The following SZT2 variants were observed in gnomAD, a reference collection of about 807,000 sequenced individuals.
SZT2 encodes the protein SZT2 subunit of KICSTOR complex.
A neutral mutation model predicts 404.2 loss-of-function variants in SZT2; 216 were observed. That is an observed-to-expected ratio of 0.53 (90% CI 0.48 to 0.60). The LOEUF is 0.60. Ranked by LOEUF, SZT2 falls within the 20% of genes least tolerant of loss-of-function variation. The pLI, the probability that SZT2 is intolerant of heterozygous loss-of-function variation, is 0.00. For synonymous variants in SZT2, 1,693 were observed against 1,749.9 expected (o/e 0.97, Z 0.81); for missense variants, 3,857 against 4,459.2 (o/e 0.86, Z 3.85).
At position 43,426,231 on chromosome 1, in the gene SZT2, G is replaced by A. The variant is rs1390958678; in HGVS notation, c.3043+80G>A. ...AGTATTAGAAAATAACAAACAGATG[G>A]GTCAGCAAGTGAGCAGATGAGTGGT... On this transcript the variant is annotated intron_variant, in intron 21 of 71. Transcript: ENST00000634258. This position sits in a 1 kb window ranked among gnomAD's most constrained non-coding sequence, Gnocchi z 4.9. 6.5e-7 allele frequency: 1 copy of A among 1,530,924 alleles called. No individual in the cohort carries two copies. Among genetic ancestry groups the A allele is most frequent in the Non-Finnish European group, 8.9e-7 (1 of 1,127,816 alleles). 94.8% of individuals were successfully genotyped at this position (1,530,924 alleles called of 1,614,324 possible). A position where few individuals can be genotyped will look rare whatever the true frequency, so the allele number is the denominator to read the frequency against.
intron 1 of SZT2, among the ~76,000 whole-genome samples, chr1:43,396,634 T>C (rs771811267): frequency 2.0e-5 from 3 of 152,258 alleles, no homozygotes; most frequent in Non-Finnish European, 2.9e-5. Context: ...TTTTACAAGG[T>C]GCTTTCACAC....
Position 43,426,865 on chromosome 1 carries a change from A to G in SZT2, c.3309+56A>G. 2 of 1,581,922 alleles carry G rather than the reference A, an allele frequency of 1.3e-6. No individual in the cohort carries two copies. The highest frequency in any genetic ancestry group is 1.7e-6 in the Non-Finnish European group (2 of 1,154,290). ...GTCACACTGACCTCCTTCCAGCACC[A>G]CATCTTCAGGCCCCAACCTTCTACC... On this transcript the variant is annotated intron_variant, in intron 23 of 71. Transcript: ENST00000634258. This position sits in a 1 kb window ranked among gnomAD's most constrained non-coding sequence, Gnocchi z 4.9.
In SZT2 at chr1:43,453,559, C is replaced by CCCAAGCCCT. The variant is rs1553158501; in HGVS notation, c.*3081_*3082insAAGCCCTCC. ...ACTCCCCTGCCCGCGCCCCGGCACC[C>CCCAAGCCCT]CCCAGCCCTCCCAGCCCTCCCGGCC... On this transcript the variant is annotated 3_prime_UTR_variant, in exon 72 of 72. Coordinates refer to ENST00000634258, the MANE Select transcript of SZT2 (RefSeq NM_001365999.1). 1.6e-5 allele frequency: 25 copies of CCCAAGCCCT among 1,519,492 alleles called. No homozygotes were observed. Among genetic ancestry groups the CCCAAGCCCT allele is most frequent in the Middle Eastern group, 1.8e-4 (1 of 5,656 alleles). The allele number at this position is 1,519,492 out of a possible 1,614,324, so 94.1% of individuals were successfully genotyped here.
chr1:43,437,707 A>G lies in SZT2; in HGVS notation c.6396+7A>G. 4 of 1,614,050 alleles carry G rather than the reference A, an allele frequency of 2.5e-6. No individual in the cohort carries two copies. Among genetic ancestry groups the G allele is most frequent in the Non-Finnish European group, 2.5e-6 (3 of 1,180,020 alleles). On this transcript the variant is annotated splice_region_variant and intron_variant, in intron 45 of 71. Transcript: ENST00000634258. This position sits in a 1 kb window ranked among gnomAD's most constrained non-coding sequence, Gnocchi z 5.3. ...CTACTCTGAGGAAGCCTCGGCATGTATCACTCCCACTCTCTGATGCCCCTG... is the reference window on the plus strand; with the variant it reads ...CTACTCTGAGGAAGCCTCGGCATGTGTCACTCCCACTCTCTGATGCCCCTG...
At chr1:43,418,155 A>G (rs1651919653) in intron 7 of SZT2, among the ~76,000 whole-genome samples, 1 of 152,178 alleles carries the variant, frequency 6.6e-6, no homozygotes, top group South Asian at 2.1e-4. Flanking sequence ...AAATAGGGAC[A>G]AGTGTTGACA....
chr1:43,419,927 A>C lies in SZT2; in HGVS notation c.1073A>C (p.Asn358Thr), dbSNP rs1168536003. ...TTCCTGCGCAGTGGGGAAGCACTGA[A>C]CCCTGAATATTACTGCGGTGAGAGG... ...YSFLRSGEALNPEYYCGSQHR... is the reference protein window; with the variant it reads ...YSFLRSGEALTPEYYCGSQHR... Residue 358 changes from asparagine to threonine, a missense_variant, in exon 8 of 72, where the codon AAC becomes ACC. Coordinates refer to ENST00000634258, the MANE Select transcript of SZT2 (RefSeq NM_001365999.1). The C allele has an allele frequency of 6.3e-7, 1 of 1,598,216 alleles. No homozygotes were observed.
intron 67 of SZT2, 31 bp from the exon 68 acceptor site, chr1:43,447,818 A>G: frequency 6.2e-7 from 1 of 1,613,484 alleles, no homozygotes; most frequent in Non-Finnish European, 8.5e-7. Flanking sequence ...AGAACCCCAG[A>G]GTTGACATCT....
rs199611320 is a variant in SZT2, at chr1:43,453,059, G to A, written c.*2579G>A. Reference sequence around the variant, plus strand: ...TAAGCAGCTTTCTCTGATCCAGACAGGGTTAGGTGCCTACCCTGCTCCCAC... The same window carrying A: ...TAAGCAGCTTTCTCTGATCCAGACAAGGTTAGGTGCCTACCCTGCTCCCAC... On this transcript the variant is annotated 3_prime_UTR_variant, in exon 72 of 72. Transcript: ENST00000634258. 9.1e-7 allele frequency: 1 copy of A among 1,098,714 alleles called. No homozygotes were observed. Among genetic ancestry groups the A allele is most frequent in the East Asian group, 2.5e-5 (1 of 39,628 alleles). The allele number at this position is 1,098,714 out of a possible 1,614,324, so 68.1% of individuals were successfully genotyped here.
At chr1:43,449,991 G>A in intron 70 of SZT2, 112 bp from the exon 71 acceptor site, 3 of 1,278,910 alleles carry the variant, frequency 2.3e-6, no homozygotes, top group Non-Finnish European at 3.4e-6. Flanking sequence ...CAGGGTGCAG[G>A]CGGGGTGAGG....
chr1:43,432,300 A>G lies in SZT2; in HGVS notation c.5303A>G (p.His1768Arg), dbSNP rs746739293. 5.7e-6 allele frequency: 9 copies of G among 1,583,246 alleles called. No homozygotes were observed. The highest frequency in any genetic ancestry group is 2.3e-5 in the South Asian group (2 of 85,990). Residue 1768 changes from histidine (H) to arginine (R), a missense_variant, in exon 37 of 72, where the codon CAT (histidine) becomes CGT (arginine). His to Arg is a conservative substitution (Grantham distance 29). Transcript: ENST00000634258. ...TTCCGCCGCCTCCATCTCCCTGGCCATGTTCTTCTTGAAGACCCTGACAGT... is the reference window on the plus strand; with the variant it reads ...TTCCGCCGCCTCCATCTCCCTGGCCGTGTTCTTCTTGAAGACCCTGACAGT... The part of the protein sequence containing the change: ...EEFRRLHLPG[H>R]VLLEDPDSGF...
chr1:43,426,930 C>G lies in SZT2; in HGVS notation c.3309+121C>G. 1 of 1,547,712 alleles carries G rather than the reference C, an allele frequency of 6.5e-7. No homozygotes were observed. ...ATGGCATCTGCCAATGACACAATGC[C>G]GTCATTTTCCATTGTCCTGGATCTT... is the stretch of plus-strand genomic sequence containing the variant. On this transcript the variant is annotated intron_variant, in intron 23 of 71. Transcript: ENST00000634258. This position sits in a 1 kb window ranked among gnomAD's most constrained non-coding sequence, Gnocchi z 4.9.
chr1:43,431,149 G>A, intron 33 of SZT2, 59 bp downstream of exon 33: 3 of 1,592,494 alleles, frequency 1.9e-6, no homozygotes, highest in Non-Finnish European at 2.6e-6. Flanking sequence ...GGACCACTAA[G>A]CGAATCTAGA....
At chr1:43,445,818 C>A in intron 62 of SZT2, 76 bp from the exon 63 acceptor site, 1 of 1,410,068 alleles carries the variant, frequency 7.1e-7, no homozygotes, top group Non-Finnish European at 1.0e-6. Context: ...CCATATAAAA[C>A]AGATTCTGGG....
intron 40 of SZT2, 51 bp downstream of exon 40, chr1:43,433,241 T>C (rs1451573917): frequency 1.3e-6 from 2 of 1,581,650 alleles, no homozygotes; most frequent in South Asian, 2.2e-5. Context: ...ACCTCTTCTC[T>C]CTGCTCCCAC....
chr1:43,426,031 C>T lies in SZT2; in HGVS notation c.2930-7C>T, dbSNP rs751228819. The T allele has an allele frequency of 1.9e-6, 3 of 1,613,938 alleles. No homozygotes were observed. Among genetic ancestry groups the T allele is most frequent in the Non-Finnish European group, 2.5e-6 (3 of 1,179,898 alleles). Reference sequence around the variant, plus strand: ...TCTCACTGTGTCCTGTCCTTCCTCCCTCGTAGGATTGGATCAGGGAGGAGA... The same window carrying T: ...TCTCACTGTGTCCTGTCCTTCCTCCTTCGTAGGATTGGATCAGGGAGGAGA... On this transcript the variant is annotated splice_region_variant and splice_polypyrimidine_tract_variant and intron_variant, in intron 20 of 71. Coordinates refer to ENST00000634258, the MANE Select transcript of SZT2 (RefSeq NM_001365999.1). This position sits in a 1 kb window ranked among gnomAD's most constrained non-coding sequence, Gnocchi z 4.9.
chr1:43,442,900 G>T lies in SZT2; in HGVS notation c.8233G>T (p.Gly2745Cys). Reference protein sequence around the residue: ...SASPPLSREQGRLSGSSRGGG... With the variant: ...SASPPLSREQCRLSGSSRGGG... ...AAGTCCCCCGCTGAGCCGTGAGCAG[G>T]GCCGACTGAGTGGGTCCTCTCGTGG... The change falls in exon 59 of 72, where the codon GGC becomes TGC. Residue 2745 changes from glycine to cysteine, a missense_variant. Physicochemically the swap from Gly to Cys is radical, Grantham distance 159. Transcript: ENST00000634258. This position sits in a 1 kb window ranked among gnomAD's most constrained non-coding sequence, Gnocchi z 4.5. 1.2e-6 allele frequency: 2 copies of T among 1,614,080 alleles called. No individual in the cohort carries two copies. The highest frequency in any genetic ancestry group is 2.2e-5 in the South Asian group (2 of 91,076).
chr1:43,442,145 C>CCG lies in SZT2; in HGVS notation c.7873+15_7873+16insCG. On this transcript the variant is annotated intron_variant, in intron 56 of 71. Transcript: ENST00000634258. This position sits in a 1 kb window ranked among gnomAD's most constrained non-coding sequence, Gnocchi z 4.5. Reference sequence around the variant, plus strand: ...AACACAGCAGGGTGAGGGCATGGCCCGGGGGGGCGGGGGGCGGGTAGGCTA... The same window carrying CCG: ...AACACAGCAGGGTGAGGGCATGGCCCCGGGGGGGGCGGGGGGCGGGTAGGCTA... 1 of 1,042,886 alleles carries CCG rather than the reference C, an allele frequency of 9.6e-7. No individual in the cohort carries two copies. Among genetic ancestry groups the CCG allele is most frequent in the Non-Finnish European group, 1.4e-6 (1 of 698,912 alleles). 64.6% of individuals were successfully genotyped at this position (1,042,886 alleles called of 1,614,324 possible).
chr1:43,446,192 C>T lies in SZT2; in HGVS notation c.8930C>T (p.Pro2977Leu), dbSNP rs761830930. 7.4e-6 allele frequency: 12 copies of T among 1,614,086 alleles called. 1 individual carries two copies. The highest frequency in any genetic ancestry group is 3.3e-4 in the Middle Eastern group (2 of 6,084). ...TTGTTTCTTCAGAGCACTAGCTCTCCGGTAACCACCTACCACCTGCAGCGG... is the reference window on the plus strand; with the variant it reads ...TTGTTTCTTCAGAGCACTAGCTCTCTGGTAACCACCTACCACCTGCAGCGG... ...TDGSPKSTSS[P>L]VTTYHLQRAL... The change falls in exon 64 of 72, where the codon CCG becomes CTG. Residue 2977 changes from proline to leucine, a missense_variant. Transcript: ENST00000634258.
chr1:43,419,943 C>T lies in SZT2; in HGVS notation c.1089C>T (p.Cys363=), dbSNP rs1229528913. The T allele has an allele frequency of 6.9e-6, 11 of 1,598,020 alleles. No homozygotes were observed. The highest frequency in any genetic ancestry group is 2.7e-5 in the African/African-American group (2 of 74,882). Residue 363 remains cysteine, a splice_region_variant and synonymous_variant, in exon 8 of 72, where the codon TGC becomes TGT. Transcript: ENST00000634258. ...AAGCACTGAACCCTGAATATTACTG[C>T]GGTGAGAGGCACACTGAGGTGGGTG... ...SGEALNPEYY[C]GSQHRLFNEH... is the part of the protein sequence containing the mutation.
Sources: allele counts gnomAD v4.1 joint callset (sites outside exome capture counted in the v4.1 genomes callset), GRCh38; gene constraint gnomAD v4.1.1; non-coding constraint Gnocchi (gnomAD v3.1); transcripts MANE v1.5; gene names NCBI Gene and HGNC (gene_info 2026-07-23, HGNC 2026-07-21).